GSE1: variants seen among roughly 807,000 people sequenced by gnomAD.
The protein encoded by GSE1 is Gse1 coiled-coil protein.
A neutral mutation model predicts 112.6 loss-of-function variants in GSE1; 32 were observed. That is an observed-to-expected ratio of 0.28 (90% CI 0.21 to 0.38). The LOEUF is 0.38. GSE1 is among the 10% of genes least tolerant of loss of function. The pLI, the probability that GSE1 is intolerant of heterozygous loss-of-function variation, is 1.00. For synonymous variants in GSE1, 1,115 were observed against 735.6 expected (o/e 1.52, Z -8.35); for missense variants, 2,348 against 1,699.2 (o/e 1.38, Z -6.71).
chr16:85,448,111 C>T (rs556255254), intron 2 of GSE1, among the ~76,000 whole-genome samples: 123 of 152,318 alleles, frequency 8.1e-4, no homozygotes, highest in African/African-American at 2.9e-3. Flanking sequence ...TGGGCTCCTC[C>T]GCCTGCCCTG....
intron 3 of GSE1, among the ~76,000 whole-genome samples, chr16:85,652,320 G>A (rs529211750): frequency 4.6e-4 from 70 of 152,226 alleles, no homozygotes; most frequent in African/African-American, 1.5e-3. Flanking sequence ...CCACTACCCC[G>A]GTTGCTGACA....
chr16:85,207,795 C>G (rs1265839012), intron 1 of GSE1: 1 of 152,272 alleles, frequency 6.6e-6, no homozygotes, highest in Non-Finnish European at 1.5e-5. Flanking sequence ...CACTCACACA[C>G]CCACTCCCGG....
rs548631567 is a variant in GSE1, at chr16:85,414,801, A to AT, written c.2464+57164dup. Among the ~76,000 whole-genome samples the AT allele has an allele frequency of 3.2e-3, 481 of 151,458 alleles. 1 individual carries two copies. The highest frequency in any genetic ancestry group is 0.024 in the South Asian group (117 of 4,796). On this transcript the variant is annotated intron_variant, in intron 2 of 2. Transcript: ENST00000637419. ...AGGCACCTGCCACCATGCCTGACTAATTTTTTGTATTTTTAGTAGAGACGG... is the reference window on the plus strand; with the variant it reads ...AGGCACCTGCCACCATGCCTGACTAATTTTTTTGTATTTTTAGTAGAGACGG...
chr16:85,634,156 C>A (rs1038904102), intron 2 of GSE1, 24 bp downstream of exon 2: 10 of 1,397,942 alleles, frequency 7.2e-6, no homozygotes, highest in South Asian at 1.5e-5. Context: ...CCAGGCTGCG[C>A]GTGGGGGGAG....
intron 1 of GSE1, among the ~76,000 whole-genome samples, chr16:85,293,273 C>T (rs996750774): frequency 3.9e-5 from 6 of 152,146 alleles, no homozygotes; most frequent in Admixed American, 6.5e-5. Context: ...TGGCCTGGCA[C>T]GGTGGCTCAC....
chr16:85,536,642 C>T (rs1268092141), intron 2 of GSE1, among the ~76,000 whole-genome samples: 1 of 152,348 alleles, frequency 6.6e-6, no homozygotes, highest in East Asian at 1.9e-4. Flanking sequence ...GGCCACGGGC[C>T]CTGCATGGCA....
intron 2 of GSE1, among the ~76,000 whole-genome samples, chr16:85,413,769 C>G (rs2048639570): frequency 6.6e-6 from 1 of 152,142 alleles, no homozygotes; most frequent in Non-Finnish European, 1.5e-5. Flanking sequence ...GACTTTGTGT[C>G]CCCACCCAAA....
intron 2 of GSE1, among the ~76,000 whole-genome samples, chr16:85,522,225 C>T (rs891087629): frequency 6.6e-5 from 10 of 152,104 alleles, no homozygotes; most frequent in South Asian, 2.1e-4. Context: ...TTGGCCGGGC[C>T]GTGGCTTGTC....
chr16:85,190,205 A>C (rs1597757303), intron 1 of GSE1, among the ~76,000 whole-genome samples: 1 of 152,368 alleles, frequency 6.6e-6, no homozygotes, highest in East Asian at 1.9e-4. Context: ...GGTGAAGTCC[A>C]GATGGTGTGT....
intron 1 of GSE1, among the ~76,000 whole-genome samples, chr16:85,180,388 G>C (rs2074558238): frequency 6.6e-6 from 1 of 152,210 alleles, no homozygotes; most frequent in African/African-American, 2.4e-5. Context: ...ACGCTATCCT[G>C]CCCATCATTA....
intron 1 of GSE1, among the ~76,000 whole-genome samples, chr16:85,310,473 C>T (rs539131054): frequency 3.3e-5 from 5 of 152,028 alleles, no homozygotes; most frequent in Admixed American, 2.6e-4. Flanking sequence ...TCCTCCCTCC[C>T]TCCCCTCCCC....
intron 1 of GSE1, among the ~76,000 whole-genome samples, chr16:85,310,133 C>G (rs1020081836): frequency 6.6e-6 from 1 of 152,206 alleles, no homozygotes; most frequent in Non-Finnish European, 1.5e-5. Context: ...GGGCACCACG[C>G]AGGCCTGTGC....
At chr16:85,427,159 C>T (rs1359450776) in intron 2 of GSE1, among the ~76,000 whole-genome samples, 2 of 152,156 alleles carry the variant, frequency 1.3e-5, no homozygotes, top group East Asian at 3.8e-4. Flanking sequence ...ACAGCAGCTG[C>T]CCGCAGGTTC....
At chr16:85,306,866 CG>C (rs1567677323) in intron 1 of GSE1, among the ~76,000 whole-genome samples, 1 of 152,248 alleles carries the variant, frequency 6.6e-6, no homozygotes, top group African/African-American at 2.4e-5. Flanking sequence ...AGGCCCCAAA[CG>C]GTTTGAACCT....
chr16:85,437,679 G>A (rs913938577), intron 2 of GSE1, among the ~76,000 whole-genome samples: 40 of 152,126 alleles, frequency 2.6e-4, no homozygotes, highest in Non-Finnish European at 5.4e-4. Flanking sequence ...TGCCCCACCT[G>A]GACCTGTTTC....
chr16:85,461,055 C>G (rs1232698295), intron 2 of GSE1, among the ~76,000 whole-genome samples: 1 of 152,238 alleles, frequency 6.6e-6, no homozygotes, highest in Non-Finnish European at 1.5e-5. Flanking sequence ...CAGGGACCCT[C>G]TCTCCCCACA....
intron 15 of GSE1, 155 bp from the exon 16 acceptor site, chr16:85,672,250 C>T (rs1598736628): frequency 4.8e-6 from 3 of 631,350 alleles, no homozygotes; most frequent in Non-Finnish European, 5.8e-6. Context: ...CCGCCTCGAC[C>T]TCCAAAAGTG....
Position 85,584,192 on chromosome 16 carries a change from C to T in GSE1, c.37+27829C>T, listed in dbSNP as rs539984731. 2.9e-4 allele frequency among the ~76,000 whole-genome samples: 44 copies of T among 152,298 alleles called. 1 individual carries two copies. The highest frequency in any genetic ancestry group is 1.0e-3 in the African/African-American group (43 of 41,566). ...CTGTCTGTTTGGAGACCTTCCTCCC[C>T]CTCTGCGTGTTCCCCAAGATGCCAG... On this transcript the variant is annotated intron_variant, in intron 1 of 2. Coordinates refer to the GSE1 transcript ENST00000635906.
At chr16:85,415,251 T>G (rs1385216120) in intron 2 of GSE1, among the ~76,000 whole-genome samples, 1 of 152,204 alleles carries the variant, frequency 6.6e-6, no homozygotes, top group Non-Finnish European at 1.5e-5. Flanking sequence ...GGACTTAATT[T>G]TATATTTGTG....
Sources: gnomAD v4.1 joint callset for allele counts (sites outside exome capture counted in the v4.1 genomes callset) on GRCh38, gnomAD v4.1.1 for gene constraint, MANE v1.5 for transcripts, NCBI Gene and HGNC (gene_info 2026-07-23, HGNC 2026-07-21) for gene names.